Variants in SAMMSON observed in about 807,000 individuals in gnomAD.
SAMMSON encodes survival associated mitochondrial melanoma specific oncogenic non-coding RNA, also known as long intergenic non-protein coding RNA 1212.
chr3:70,313,199 C>T (rs1054211001), intron 7 of SAMMSON, among the ~76,000 whole-genome samples: 2 of 152,132 alleles, frequency 1.3e-5, no homozygotes, highest in Non-Finnish European at 2.9e-5. Context: ...CATGGTGGCT[C>T]ACGCCTGTAA....
chr3:70,061,475 C>T (rs1480054002), intron 3 of SAMMSON, among the ~76,000 whole-genome samples: 1 of 152,120 alleles, frequency 6.6e-6, no homozygotes, highest in Non-Finnish European at 1.5e-5. Context: ...CCCATCTTTT[C>T]TGCTTGTCTT....
chr3:70,243,633 G>A (rs1034626484), intron 4 of SAMMSON, among the ~76,000 whole-genome samples: 2 of 152,118 alleles, frequency 1.3e-5, no homozygotes, highest in Non-Finnish European at 2.9e-5. Context: ...GGGTGGCAGC[G>A]TCCCTAGCCT....
At chr3:70,171,679 A>G (rs1026823556) in intron 4 of SAMMSON, among the ~76,000 whole-genome samples, 2 of 151,904 alleles carry the variant, frequency 1.3e-5, no homozygotes, top group Non-Finnish European at 2.9e-5. Context: ...ATGAAAACCT[A>G]AAAGATGTTT....
chr3:70,350,860 T>G (rs534577266), intron 7 of SAMMSON, among the ~76,000 whole-genome samples: 54 of 152,224 alleles, frequency 3.5e-4, no homozygotes, highest in African/African-American at 1.1e-3. Flanking sequence ...GGAGGTGACA[T>G]TGAGTTGAGA....
At chr3:70,259,023 A>G (rs1162929249) in intron 6 of SAMMSON, among the ~76,000 whole-genome samples, 1 of 152,192 alleles carries the variant, frequency 6.6e-6, no homozygotes, top group African/African-American at 2.4e-5. Context: ...TACTCAAGTT[A>G]GTGCTAATTA....
At chr3:70,300,497 A>G (rs1702336852) in intron 7 of SAMMSON, among the ~76,000 whole-genome samples, 1 of 151,998 alleles carries the variant, frequency 6.6e-6, no homozygotes, top group Admixed American at 6.6e-5. Context: ...TTTTCCAGCA[A>G]TGTAGTTATA....
In SAMMSON at chr3:70,000,405, G is replaced by T. The variant is rs369744971; in HGVS notation, n.22+538G>T. ...ATTATTGTTGTAATTTTAACTTATA[G>T]AACTATAATATAATGGTACAATGAT... On this transcript the variant is annotated intron_variant and non_coding_transcript_variant, in intron 1 of 9. Coordinates refer to ENST00000642114, the Ensembl canonical transcript of SAMMSON. Among the ~76,000 whole-genome samples, 61 of 152,276 alleles carry T rather than the reference G, an allele frequency of 4.0e-4. No homozygotes were observed. In the South Asian group the frequency reaches 0.011, roughly 27 times the overall value.
chr3:70,358,134 A>G (rs1212654170), intron 8 of SAMMSON: 3 of 152,182 alleles, frequency 2.0e-5, no homozygotes, highest in Non-Finnish European at 2.9e-5. Context: ...TTGACTTATA[A>G]TACATAAATT....
At chr3:70,190,260 A>G (rs1701121082) in intron 4 of SAMMSON, among the ~76,000 whole-genome samples, 2 of 152,148 alleles carry the variant, frequency 1.3e-5, no homozygotes, top group South Asian at 4.2e-4. Context: ...CCCTGTCACC[A>G]TCCTATTTCA....
At chr3:70,125,478 A>C (rs202015750) in intron 4 of SAMMSON, 4 of 777,432 alleles carry the variant, frequency 5.1e-6, no homozygotes, top group Non-Finnish European at 8.6e-6. Flanking sequence ...ATTTCATCAG[A>C]GTCTTTTTTA....
chr3:70,038,455 C>A (rs984866270), intron 3 of SAMMSON, among the ~76,000 whole-genome samples: 2 of 152,096 alleles, frequency 1.3e-5, no homozygotes, highest in Non-Finnish European at 2.9e-5. Context: ...TTTGAACTTT[C>A]CAGCCACCAG....
intron 4 of SAMMSON, among the ~76,000 whole-genome samples, chr3:70,139,529 G>T (rs1353550182): frequency 6.6e-6 from 1 of 152,138 alleles, no homozygotes; most frequent in Non-Finnish European, 1.5e-5. Context: ...CCCTCTGTCT[G>T]GGTCCTGTGG....
chr3:70,162,145 T>C (rs560573452), intron 4 of SAMMSON, among the ~76,000 whole-genome samples: 1 of 151,970 alleles, frequency 6.6e-6, no homozygotes, highest in South Asian at 2.1e-4. Context: ...GGTTTTTCAC[T>C]CTAATCTTTA....
intron 4 of SAMMSON, among the ~76,000 whole-genome samples, chr3:70,123,489 C>T (rs1040711197): frequency 2.0e-5 from 3 of 152,172 alleles, no homozygotes; most frequent in Admixed American, 2.0e-4. Flanking sequence ...AGGCTGGTCT[C>T]GAACTCCTGA....
intron 4 of SAMMSON, among the ~76,000 whole-genome samples, chr3:70,222,191 A>G (rs763545502): frequency 1.3e-5 from 2 of 152,134 alleles, no homozygotes; most frequent in African/African-American, 4.8e-5. Context: ...CTGAAAATCT[A>G]AGGCAGGTGA....
At chr3:70,258,150 T>C (rs905917750) in intron 6 of SAMMSON, among the ~76,000 whole-genome samples, 2 of 152,130 alleles carry the variant, frequency 1.3e-5, no homozygotes, top group African/African-American at 4.8e-5. Flanking sequence ...AAATGGATCA[T>C]CGATCTAAAT....
At chr3:70,397,104 A>G (rs959002003) in intron 2 of SAMMSON, among the ~76,000 whole-genome samples, 9 of 152,228 alleles carry the variant, frequency 5.9e-5, no homozygotes, top group African/African-American at 1.9e-4. Flanking sequence ...AGCTAATGTA[A>G]TAAAGAAGGA....
At chr3:70,279,024 A>G (rs1303901587) in intron 6 of SAMMSON, among the ~76,000 whole-genome samples, 3 of 151,114 alleles carry the variant, frequency 2.0e-5, no homozygotes, top group Admixed American at 6.6e-5. Context: ...GCCTATCAGT[A>G]TCTAATTTTC....
chr3:70,369,520 CTT>C (rs71126500), intron 9 of SAMMSON, among the ~76,000 whole-genome samples: 1 of 145,052 alleles, frequency 6.9e-6, no homozygotes, highest in Non-Finnish European at 1.5e-5. Context: ...CTTTTATATT[CTT>C]TTTTTTTTTG....
Sources: gnomAD v4.1 joint callset for allele counts (sites outside exome capture counted in the v4.1 genomes callset) on GRCh38, gnomAD v4.1.1 for gene constraint, MANE v1.5 for transcripts, NCBI Gene and HGNC (gene_info 2026-07-23, HGNC 2026-07-21) for gene names.